MED13: variants seen among roughly 807,000 people sequenced by gnomAD.
The protein encoded by MED13 is mediator complex subunit 13.
A neutral mutation model predicts 225.2 loss-of-function variants in MED13; 23 were observed. The ratio of observed to expected loss-of-function variants is 0.10; its 90% confidence interval spans 0.07 to 0.14. The LOEUF (loss-of-function observed/expected upper bound fraction) is 0.14. MED13 is among the 10% of genes least tolerant of loss of function. The pLI is 1.00. For missense variants in MED13, 2,197 were observed against 2,594.5 expected, an observed-to-expected ratio of 0.85 and a Z score of 3.33; for synonymous variants, 942 against 889.2, an observed-to-expected ratio of 1.06 and a Z score of -1.06.
At chr17:61,987,661 C>T (rs558345325) in intron 11 of MED13, among the ~76,000 whole-genome samples, 3 of 152,166 alleles carry the variant, frequency 2.0e-5, no homozygotes, top group African/African-American at 7.2e-5. Context: ...CATAAAATAG[C>T]TAAGTACTCT....
At chr17:62,062,304 GA>G (rs2081044911) in intron 2 of MED13, among the ~76,000 whole-genome samples, 1 of 152,120 alleles carries the variant, frequency 6.6e-6, no homozygotes, top group East Asian at 1.9e-4. Context: ...GTAATTATAT[GA>G]AAAGCTATAG....
Position 61,965,332 on chromosome 17 carries a change from TAAGGTGGCA to T in MED13, c.4509_4517del (p.Thr1505_Ala1507del), listed in dbSNP as rs1346918318. Reference sequence around the variant, plus strand: ...TCATAGTGCTGCTCGCTGCAGATGCTAAGGTGGCAGATGGAGTATTAGCATTTCCAGTAT... The same window carrying T: ...TCATAGTGCTGCTCGCTGCAGATGCTGATGGAGTATTAGCATTTCCAGTAT... On this transcript the variant is annotated inframe_deletion, in exon 20 of 30. Coordinates refer to ENST00000397786, the MANE Select transcript of MED13 (RefSeq NM_005121.3). 2.5e-6 allele frequency: 4 copies of T among 1,614,102 alleles called. No homozygotes were observed. The highest frequency in any genetic ancestry group is 3.4e-6 in the Non-Finnish European group (4 of 1,180,042).
chr17:62,031,716 T>C, intron 5 of MED13, 78 bp from the exon 6 acceptor site: 1 of 870,476 alleles, frequency 1.1e-6, no homozygotes, highest in Non-Finnish European at 1.6e-6. Flanking sequence ...AGTACTATAA[T>C]GGAAAAGTAG....
intron 10 of MED13, 114 bp from the exon 11 acceptor site, chr17:61,992,735 T>A: frequency 1.7e-6 from 1 of 582,758 alleles, no homozygotes; most frequent in Middle Eastern, 3.2e-4. Flanking sequence ...ACATACATTA[T>A]CACTGATTCT....
chr17:62,035,333 A>G (rs755874414), intron 4 of MED13, 130 bp downstream of exon 4: 1 of 848,678 alleles, frequency 1.2e-6, no homozygotes, highest in Non-Finnish European at 1.7e-6. Context: ...AGGAAAAAGT[A>G]AATGACATCA....
intron 28 of MED13, among the ~76,000 whole-genome samples, chr17:61,948,843 T>C (rs1284644566): frequency 6.6e-6 from 1 of 150,990 alleles, no homozygotes; most frequent in Non-Finnish European, 1.5e-5. Context: ...TCCCAGCACT[T>C]TGGGAGGCCG....
chr17:62,010,934 G>T lies in MED13; in HGVS notation c.1583C>A (p.Ala528Glu). Residue 528 changes from alanine (A) to glutamate (E), a missense_variant, in exon 9 of 30, where the codon GCA becomes GAA. Around this residue, in one of 12 missense-constraint regions of MED13, gnomAD observed 884 missense variants for 918.5 expected, o/e 0.96. Transcript: ENST00000397786. ...KTPQMHGTEMANSPQPPPLSP... is the reference protein window; with the variant it reads ...KTPQMHGTEMENSPQPPPLSP... ...AAGTGGGGGTGGTTGAGGTGAATTT[G>T]CCATTTCGGTGCCATGCATCTGAGG... 1 of 1,612,504 alleles carries T rather than the reference G, an allele frequency of 6.2e-7. No homozygotes were observed. The highest frequency in any genetic ancestry group is 8.5e-7 in the Non-Finnish European group (1 of 1,178,664).
At chr17:61,957,591 G>A (rs1435866698) in intron 23 of MED13, among the ~76,000 whole-genome samples, 6 of 151,974 alleles carry the variant, frequency 3.9e-5, no homozygotes, top group South Asian at 2.1e-4. Context: ...CTCGTGATCC[G>A]CCCGCCTTGG....
At chr17:61,948,956 C>A (rs569672785) in intron 28 of MED13, among the ~76,000 whole-genome samples, 2 of 150,342 alleles carry the variant, frequency 1.3e-5, no homozygotes, top group South Asian at 4.2e-4. Context: ...GGCGTAGTGG[C>A]GGGCGCCTGT....
intron 27 of MED13, among the ~76,000 whole-genome samples, chr17:61,951,393 A>G (rs1327793937): frequency 6.6e-6 from 1 of 152,236 alleles, no homozygotes; most frequent in East Asian, 1.9e-4. Context: ...TTGTTAATCT[A>G]GCACTATCTA....
At chr17:62,052,882 G>C (rs1363572467) in intron 2 of MED13, among the ~76,000 whole-genome samples, 177 bp from the exon 3 acceptor site, 3 of 152,072 alleles carry the variant, frequency 2.0e-5, no homozygotes, top group African/African-American at 7.2e-5. Flanking sequence ...TACTCCACAA[G>C]GAATAAAAGG....
At chr17:61,993,665 C>CA (rs1020963424) in intron 10 of MED13, among the ~76,000 whole-genome samples, 12 of 152,078 alleles carry the variant, frequency 7.9e-5, no homozygotes, top group African/African-American at 2.9e-4. Context: ...CACGGTGGCT[C>CA]ACGCCTGTAA....
intron 12 of MED13, among the ~76,000 whole-genome samples, chr17:61,986,263 A>G (rs2080246864): frequency 6.6e-6 from 1 of 152,138 alleles, no homozygotes; most frequent in Admixed American, 6.5e-5. Context: ...ACACACACAC[A>G]TATACACACA....
chr17:62,022,313 CA>C (rs1211407518), intron 8 of MED13, among the ~76,000 whole-genome samples: 5 of 151,206 alleles, frequency 3.3e-5, no homozygotes, highest in African/African-American at 7.3e-5. Flanking sequence ...AGTAAGGATT[CA>C]AAAAAACCTA....
intron 15 of MED13, among the ~76,000 whole-genome samples, chr17:61,983,348 A>G (rs1344015934): frequency 6.6e-6 from 1 of 152,014 alleles, no homozygotes. Context: ...ATTAATAAGC[A>G]CTCTATACAC....
chr17:62,035,445 T>C lies in MED13; in HGVS notation c.616+18A>G. 1.3e-6 allele frequency: 2 copies of C among 1,569,746 alleles called. No homozygotes were observed. Among genetic ancestry groups the C allele is most frequent in the Non-Finnish European group, 1.7e-6 (2 of 1,157,854 alleles). On this transcript the variant is annotated intron_variant, in intron 4 of 29. Coordinates refer to ENST00000397786, the MANE Select transcript of MED13 (RefSeq NM_005121.3). The stretch of plus-strand genomic sequence containing the variant: ...TTTCAATAAAAGATCAAATACCTAA[T>C]ATAATAAAATAATCTACCTTGAAAT...
At chr17:62,009,774 A>C (rs1363093959) in intron 9 of MED13, among the ~76,000 whole-genome samples, 4 of 152,230 alleles carry the variant, frequency 2.6e-5, no homozygotes. Flanking sequence ...TGTACCAAAC[A>C]AAATGGAAAA....
intron 9 of MED13, among the ~76,000 whole-genome samples, chr17:61,999,783 G>A (rs902759097): frequency 6.6e-6 from 1 of 152,188 alleles, no homozygotes; most frequent in Admixed American, 6.6e-5. Context: ...AGGGCTGGGT[G>A]CAGTGGCTCA....
chr17:61,959,001 C>T (rs2079973858), intron 23 of MED13, among the ~76,000 whole-genome samples: 1 of 151,780 alleles, frequency 6.6e-6, no homozygotes, highest in African/African-American at 2.4e-5. Flanking sequence ...CATCACTGCC[C>T]CTCTTTTTTT....
Sources: allele counts gnomAD v4.1 joint callset (sites outside exome capture counted in the v4.1 genomes callset), GRCh38; gene constraint gnomAD v4.1.1; regional missense constraint gnomAD v4.1.1; transcripts MANE v1.5; gene names NCBI Gene and HGNC (gene_info 2026-07-23, HGNC 2026-07-21).